GC: variants seen among roughly 807,000 people sequenced by gnomAD.
GC encodes the protein GC vitamin D binding protein, also known as vitamin D-binding protein.
Under a neutral mutation model 56.7 loss-of-function variants are expected in GC, and 43 were observed. The observed-to-expected ratio is 0.76, with a 90% CI of 0.59 to 0.98. GC has a LOEUF of 0.98. Ranked by LOEUF, GC falls within the 50% of genes least tolerant of loss-of-function variation. GC has a pLI of 0.00. For synonymous variants in GC, 216 were observed against 202.7 expected, an observed-to-expected ratio of 1.07 and a Z score of -0.56; for missense variants, 529 against 545.9, an observed-to-expected ratio of 0.97 and a Z score of 0.31.
Position 71,777,606 on chromosome 4 carries a change from A to G in GC, c.58+6355T>C, listed in dbSNP as rs1045471909. On this transcript the variant is annotated intron_variant, in intron 1 of 12. Transcript: ENST00000273951. ...TTGTTATTTATATTTTTTAAAATCT[A>G]GTATGCAATTGTCAAATAAAAGTAT... Among the ~76,000 whole-genome samples, 4 of 149,228 alleles carry G rather than the reference A, an allele frequency of 2.7e-5. No individual in the cohort carries two copies. In the Admixed American group the frequency reaches 2.7e-4, roughly 10 times the overall value.
At chr4:71,778,800 G>A (rs192318393) in intron 1 of GC, among the ~76,000 whole-genome samples, 93 of 151,718 alleles carry the variant, frequency 6.1e-4, no homozygotes, top group Admixed American at 2.3e-3. Context: ...TAGTGAGACC[G>A]CTGGCAAGTT....
chr4:71,791,219 C>A (rs1230607976), intron 1 of GC, among the ~76,000 whole-genome samples: 1 of 151,958 alleles, frequency 6.6e-6, no homozygotes, highest in African/African-American at 2.4e-5. Context: ...TTTTAAAATA[C>A]CTTTTGTTTA....
intron 6 of GC, among the ~76,000 whole-genome samples, chr4:71,762,755 CTCT>C (rs749945524): frequency 1.3e-5 from 2 of 152,172 alleles, no homozygotes; most frequent in Non-Finnish European, 2.9e-5. Flanking sequence ...CACAAGCTCT[CTCT>C]TTGCCTGCTG....
At chr4:71,799,697 G>T (rs1048570030) in intron 1 of GC, among the ~76,000 whole-genome samples, 2 of 152,140 alleles carry the variant, frequency 1.3e-5, no homozygotes, top group Non-Finnish European at 2.9e-5. Context: ...TTTTACCTGG[G>T]AGGAGAAGCA....
chr4:71,785,845 CAA>C (rs1742820198), upstream of GC: 1 of 151,750 alleles, frequency 6.6e-6, no homozygotes, highest in Admixed American at 6.6e-5. Flanking sequence ...CCCCGGAACT[CAA>C]AAGAGGTAGG....
intron 6 of GC, among the ~76,000 whole-genome samples, chr4:71,761,599 A>G (rs1741976510): frequency 6.6e-6 from 1 of 152,192 alleles, no homozygotes; most frequent in South Asian, 2.1e-4. Context: ...ACAGCAGCCC[A>G]TCCCATCACA....
intron 6 of GC, among the ~76,000 whole-genome samples, chr4:71,760,439 G>T (rs1401090813): frequency 1.3e-5 from 2 of 152,060 alleles, no homozygotes; most frequent in Non-Finnish European, 2.9e-5. Flanking sequence ...AAAAAAACTT[G>T]TGAGGATAGT....
intron 1 of GC, among the ~76,000 whole-genome samples, chr4:71,801,914 C>A (rs554320223): frequency 1.4e-5 from 2 of 147,884 alleles, no homozygotes; most frequent in African/African-American, 5.0e-5. Context: ...TATTGCCTGC[C>A]CTGGAAGTCA....
intron 1 of GC, among the ~76,000 whole-genome samples, chr4:71,797,140 G>T (rs1743125961): frequency 6.6e-6 from 1 of 152,332 alleles, no homozygotes; most frequent in Admixed American, 6.5e-5. Context: ...GCTACACGGG[G>T]TCAGGGACCC....
chr4:71,781,056 T>TA (rs1224164545), intron 1 of GC, among the ~76,000 whole-genome samples: 2 of 152,006 alleles, frequency 1.3e-5, no homozygotes, highest in East Asian at 3.9e-4. Flanking sequence ...TATGCAGCCA[T>TA]AAAAAAGGAT....
intron 1 of GC, among the ~76,000 whole-genome samples, chr4:71,776,868 T>C (rs1350074193): frequency 1.3e-5 from 2 of 151,958 alleles, no homozygotes; most frequent in African/African-American, 4.8e-5. Context: ...TAATGACTAC[T>C]GAAGTTATAC....
chr4:71,753,154 C>T (rs1741610006), intron 10 of GC, among the ~76,000 whole-genome samples: 1 of 152,206 alleles, frequency 6.6e-6, no homozygotes, highest in Middle Eastern at 3.4e-3. Context: ...CTACTAAAAA[C>T]GAACTCTCCA....
intron 1 of GC, among the ~76,000 whole-genome samples, chr4:71,797,714 C>G (rs778902988): frequency 2.0e-5 from 3 of 152,210 alleles, no homozygotes; most frequent in Non-Finnish European, 4.4e-5. Flanking sequence ...GAACCAGGTA[C>G]CGCAGTTGGA....
chr4:71,803,842 C>G, intron 1 of GC: 1 of 776,132 alleles, frequency 1.3e-6, no homozygotes. Flanking sequence ...GTAGTCAGAA[C>G]ATTGTAAATT....
intron 4 of GC, 64 bp from the exon 5 acceptor site, chr4:71,764,000 T>G (rs1742073351): frequency 7.8e-7 from 1 of 1,287,008 alleles, no homozygotes; most frequent in Non-Finnish European, 1.1e-6. Context: ...CTTTTTTATT[T>G]GAGACAGTGT....
chr4:71,763,493 G>T lies in GC; in HGVS notation c.616C>A (p.Leu206Ile), dbSNP rs376096638. The change falls in exon 6 of 13, where the codon CTT (leucine) becomes ATT (isoleucine). Residue 206 changes from leucine (L) to isoleucine (I), a missense_variant. Physicochemically the swap from Leu to Ile is conservative, Grantham distance 5. Transcript: ENST00000273951. Reference protein sequence around the residue: ...TVCFLKERLQLKHLSLLTTLS... With the variant: ...TVCFLKERLQIKHLSLLTTLS... The stretch of plus-strand genomic sequence containing the variant: ...GTGGTGAGAAGTGATAAATGTTTAA[G>T]CTGGAGTCTCTAGAAAACAAGTGAA... 3.8e-6 allele frequency: 6 copies of T among 1,587,570 alleles called. No homozygotes were observed. The highest frequency in any genetic ancestry group is 5.2e-6 in the Non-Finnish European group (6 of 1,156,572).
At chr4:71,771,751 T>G (rs1398745705) in intron 1 of GC, among the ~76,000 whole-genome samples, 2 of 152,282 alleles carry the variant, frequency 1.3e-5, no homozygotes, top group East Asian at 3.9e-4. Context: ...TTTACAAGGC[T>G]GGATATTGTG....
rs1319488702 is a variant in GC at position 71,803,888 on chromosome 4, A to G, written c.21+38T>C. The G allele has an allele frequency of 1.6e-6, 2 of 1,248,390 alleles. 1 individual carries two copies. Among genetic ancestry groups the G allele is most frequent in the South Asian group, 2.6e-5 (2 of 78,372 alleles). 77.3% of individuals were successfully genotyped at this position (1,248,390 alleles called of 1,614,324 possible). ...GGAAACTAAAGCTCAGAGAGTACCA[A>G]TGGTAACTTGAAATTATTTGGAATT... On this transcript the variant is annotated intron_variant, in intron 1 of 13. Transcript: ENST00000504199.
At position 71,754,483 on chromosome 4, in the gene GC, G is replaced by T; in HGVS notation, c.1190C>A (p.Ser397Tyr). The T allele has an allele frequency of 3.2e-6, 5 of 1,579,150 alleles. No individual in the cohort carries two copies. The highest frequency in any genetic ancestry group is 1.1e-5 in the South Asian group (1 of 89,958). The change falls in exon 10 of 13, where the codon TCT (serine) becomes TAT (tyrosine). Residue 397 changes from serine to tyrosine, a missense_variant. Ser to Tyr is a moderately radical substitution (Grantham distance 144, BLOSUM62 -2). Coordinates refer to ENST00000273951, the MANE Select transcript of GC (RefSeq NM_000583.4). ...TTCTTGTCCCTTGTCAATGAAAGAA[G>T]ATAGTTCCTTCTTTAGTAGAGGGCC... ...AKGPLLKKEL[S>Y]SFIDKGQELC...
Sources: allele counts gnomAD v4.1 joint callset (sites outside exome capture counted in the v4.1 genomes callset), GRCh38; gene constraint gnomAD v4.1.1; transcripts MANE v1.5; gene names NCBI Gene and HGNC (gene_info 2026-07-23, HGNC 2026-07-21).